CNTN6: variants seen among roughly 807,000 people sequenced by gnomAD.
The protein encoded by CNTN6 is contactin 6.
Under a neutral mutation model 122.8 loss-of-function variants are expected in CNTN6, and 137 were observed. The observed-to-expected ratio is 1.12, with a 90% CI of 0.97 to 1.29. CNTN6 has a LOEUF of 1.29. Among genes scored for constraint, CNTN6 ranks in the 50% most tolerant of loss-of-function variants. CNTN6 has a pLI of 0.00. For missense variants in CNTN6, 1,634 were observed against 1,223.4 expected (o/e 1.34, Z -5.01); for synonymous variants, 570 against 426.0 (o/e 1.34, Z -4.16).
At chr3:1,382,002 C>T (rs936484149) in intron 17 of CNTN6, among the ~76,000 whole-genome samples, 1 of 151,744 alleles carries the variant, frequency 6.6e-6, no homozygotes, top group Non-Finnish European at 1.5e-5. Context: ...TAAATGGACT[C>T]CCATGAATAA....
At chr3:1,385,344 G>C (rs1453194092) in intron 19 of CNTN6, among the ~76,000 whole-genome samples, 1 of 151,808 alleles carries the variant, frequency 6.6e-6, no homozygotes, top group African/African-American at 2.4e-5. Flanking sequence ...CCTTTAGATA[G>C]CTCATAAAAT....
intron 20 of CNTN6, among the ~76,000 whole-genome samples, chr3:1,391,553 A>G (rs1375938796): frequency 1.4e-5 from 2 of 139,116 alleles, no homozygotes; most frequent in Non-Finnish European, 3.1e-5. Context: ...AGTTCTGGCC[A>G]GGGCAATTAG....
chr3:1,198,724 CAA>C (rs5846095), intron 2 of CNTN6, among the ~76,000 whole-genome samples: 39 of 139,382 alleles, frequency 2.8e-4, no homozygotes, highest in Admixed American at 4.3e-4. Context: ...CTGTCTCAAA[CAA>C]AAAAAAAAAA....
intron 2 of CNTN6, among the ~76,000 whole-genome samples, chr3:1,209,942 T>C (rs1445928148): frequency 6.6e-6 from 1 of 152,192 alleles, no homozygotes; most frequent in African/African-American, 2.4e-5. Context: ...CAATTCTTGC[T>C]CCCACCACCT....
chr3:1,296,883 C>G (rs1007010462), intron 6 of CNTN6, among the ~76,000 whole-genome samples: 1 of 152,040 alleles, frequency 6.6e-6, no homozygotes, highest in Non-Finnish European at 1.5e-5. Flanking sequence ...CTCTGAGTTT[C>G]TGCTTCTTGC....
intron 1 of CNTN6, among the ~76,000 whole-genome samples, chr3:1,099,671 T>A (rs2090773262): frequency 6.6e-6 from 1 of 152,170 alleles, no homozygotes; most frequent in Non-Finnish European, 1.5e-5. Context: ...GTCAACAATT[T>A]CATGTTTGTT....
chr3:1,130,962 T>C, intron 1 of CNTN6, among the ~76,000 whole-genome samples: 1 of 152,092 alleles, frequency 6.6e-6, no homozygotes, highest in East Asian at 1.9e-4. Flanking sequence ...TGAGTGTAAA[T>C]AACATAGACA....
intron 20 of CNTN6, among the ~76,000 whole-genome samples, chr3:1,400,542 TTGGGA>T (rs1252930707): frequency 1.3e-5 from 2 of 152,144 alleles, no homozygotes; most frequent in Admixed American, 6.6e-5. Flanking sequence ...TTGATGTCCT[TTGGGA>T]TGATCAATCA....
intron 1 of CNTN6, among the ~76,000 whole-genome samples, chr3:1,138,400 T>C (rs1010404021): frequency 1.3e-5 from 2 of 152,158 alleles, no homozygotes; most frequent in African/African-American, 4.8e-5. Context: ...TTTTACTCAC[T>C]CTACTCCTAC....
chr3:1,098,004 T>G (rs2090622966), intron 1 of CNTN6, among the ~76,000 whole-genome samples: 1 of 151,584 alleles, frequency 6.6e-6, no homozygotes, highest in South Asian at 2.1e-4. Flanking sequence ...ATAGAGATGC[T>G]GGTCTCTGGA....
At chr3:1,158,331 CTTTT>C (rs1400042584) in intron 2 of CNTN6, among the ~76,000 whole-genome samples, 2 of 152,118 alleles carry the variant, frequency 1.3e-5, no homozygotes, top group African/African-American at 4.8e-5. Flanking sequence ...TTTATGTCTT[CTTTT>C]GAGAAATAGC....
chr3:1,380,946 C>G (rs997900070), intron 17 of CNTN6, among the ~76,000 whole-genome samples: 3 of 152,096 alleles, frequency 2.0e-5, no homozygotes, highest in African/African-American at 7.2e-5. Flanking sequence ...AAAGAAAACT[C>G]TTTTTCTGGC....
At position 1,156,201 on chromosome 3, in the gene CNTN6, C is replaced by T. The variant is rs374924722; in HGVS notation, c.55+8138C>T. On this transcript the variant is annotated intron_variant, in intron 2 of 22. Coordinates refer to ENST00000446702, the MANE Select transcript of CNTN6 (RefSeq NM_001289080.2). ...TATTCTGCATTGTTCTTCTTCAGAT[C>T]CATTTCCATTTATTAAAGGCAAATC... 2.8e-4 allele frequency among the ~76,000 whole-genome samples: 42 copies of T among 152,284 alleles called. 1 individual carries two copies. The highest frequency in any genetic ancestry group is 1.0e-3 in the African/African-American group (42 of 41,562).
At chr3:1,277,693 T>C (rs1692667434) in intron 4 of CNTN6, among the ~76,000 whole-genome samples, 1 of 152,090 alleles carries the variant, frequency 6.6e-6, no homozygotes, top group South Asian at 2.1e-4. Context: ...ACTAATTGAA[T>C]GAATGAAAGG....
intron 1 of CNTN6, among the ~76,000 whole-genome samples, chr3:1,101,206 C>T (rs1285521503): frequency 6.6e-6 from 1 of 152,036 alleles, no homozygotes; most frequent in African/African-American, 2.4e-5. Context: ...TTGCCTTTTT[C>T]GGATTCTTTT....
chr3:1,183,825 A>G (rs994307711), intron 2 of CNTN6, among the ~76,000 whole-genome samples: 1 of 152,152 alleles, frequency 6.6e-6, no homozygotes. Flanking sequence ...TTTTGCTTCA[A>G]GTTCTCATCC....
chr3:1,257,600 CAG>C (rs1559630939), intron 4 of CNTN6, among the ~76,000 whole-genome samples: 1 of 152,108 alleles, frequency 6.6e-6, no homozygotes, highest in Non-Finnish European at 1.5e-5. Flanking sequence ...TCAGTGTTGA[CAG>C]AGCCCATTTT....
At chr3:1,095,799 A>C (rs2090496903) in intron 1 of CNTN6, among the ~76,000 whole-genome samples, 2 of 152,202 alleles carry the variant, frequency 1.3e-5, no homozygotes, top group Admixed American at 1.3e-4. Context: ...ACCTCAATTT[A>C]AACTACATCA....
chr3:1,269,225 A>T (rs1348405827), intron 4 of CNTN6, among the ~76,000 whole-genome samples: 2 of 152,174 alleles, frequency 1.3e-5, no homozygotes, highest in Admixed American at 1.3e-4. Flanking sequence ...TCTGCCCTAA[A>T]TCAATAGCTA....
Sources: gnomAD v4.1 joint callset for allele counts (sites outside exome capture counted in the v4.1 genomes callset) on GRCh38, gnomAD v4.1.1 for gene constraint, MANE v1.5 for transcripts, NCBI Gene and HGNC (gene_info 2026-07-23, HGNC 2026-07-21) for gene names.